Variants in ZNF66 observed in about 807,000 individuals in gnomAD.
ZNF66 encodes zinc finger protein 66.
A neutral mutation model predicts 35.2 loss-of-function variants in ZNF66; 32 were observed. The ratio of observed to expected loss-of-function variants is 0.91; its 90% CI spans 0.69 to 1.22. The LOEUF is 1.22. Among genes scored for constraint, ZNF66 ranks in the 50% most tolerant of loss-of-function variants. The pLI is 0.00. For synonymous variants in ZNF66, 231 were observed against 181.3 expected (o/e 1.27, Z -2.20); for missense variants, 666 against 543.1 (o/e 1.23, Z -2.25).
Position 20,806,863 on chromosome 19 carries a change from A to G in ZNF66, c.1263A>G (p.Gly421=). ...CTAAACATAAGAGAATTCATACTGG[A>G]GAGAAACCCTACAAATGTGAAGAAT... ...PLSKHKRIHT[G]EKPYKCEECG... is the part of the protein sequence containing the mutation. The change falls in exon 4 of 4, where the codon GGA becomes GGG. Residue 421 remains glycine, a synonymous_variant. Transcript: ENST00000344519. 1 of 1,352,080 alleles carries G rather than the reference A, an allele frequency of 7.4e-7. No individual in the cohort carries two copies. The highest frequency in any genetic ancestry group is 1.1e-6 in the Non-Finnish European group (1 of 943,512). The allele number at this position is 1,352,080 out of a possible 1,614,324, so 83.8% of individuals were successfully genotyped here.
At chr19:20,778,621 A>G (rs1412666705) in intron 1 of ZNF66, among the ~76,000 whole-genome samples, 3 of 151,900 alleles carry the variant, frequency 2.0e-5, no homozygotes, top group Non-Finnish European at 4.4e-5. Context: ...CATCTCTACT[A>G]AAAATACAAA....
rs968800612 is a variant in ZNF66 at position 20,797,541 on chromosome 19, T to G, written c.226+3663T>G. ...GTAAACATTTATTATTGTTTTGAAG[T>G]TTTATATTAGTGTGTTTTTCAGTGT... On this transcript the variant is annotated intron_variant, in intron 3 of 3. Transcript: ENST00000344519. 4.2e-4 allele frequency among the ~76,000 whole-genome samples: 58 copies of G among 137,848 alleles called. 1 individual carries two copies. The highest frequency in any genetic ancestry group is 1.2e-3 in the African/African-American group (45 of 36,860). 90.4% of individuals were successfully genotyped at this position (137,848 alleles called of 152,430 possible). A position where few individuals can be genotyped will look rare whatever the true frequency, so the allele number is the denominator to read the frequency against.
In ZNF66 at chr19:20,805,836, C is replaced by T; in HGVS notation, c.236C>T (p.Ser79Phe). The T allele has an allele frequency of 3.6e-6, 2 of 560,464 alleles. No individual in the cohort carries two copies. Among genetic ancestry groups the T allele is most frequent in the South Asian group, 3.4e-5 (1 of 29,384 alleles). The allele number at this position is 560,464 out of a possible 1,614,324, so 34.7% of individuals were successfully genotyped here. A position where few individuals can be genotyped will look rare whatever the true frequency, so the allele number is the denominator to read the frequency against. Reference sequence around the variant, plus strand: ...TTATGGTTTCTTTCAGTTTTGTGTTCTCATTTTAACCAAGACCTTTGGCCA... The same window carrying T: ...TTATGGTTTCTTTCAGTTTTGTGTTTTCATTTTAACCAAGACCTTTGGCCA... ...EMVANPSVLC[S>F]HFNQDLWPEQ... Residue 79 changes from serine to phenylalanine, a missense_variant, in exon 4 of 4, where the codon TCT becomes TTT. Ser to Phe is a radical substitution (Grantham distance 155). Coordinates refer to ENST00000344519, the MANE Select transcript of ZNF66 (RefSeq NM_001355197.2).
intron 3 of ZNF66, chr19:20,799,442 C>T (rs1346920369): frequency 2.0e-5 from 3 of 149,494 alleles, no homozygotes; most frequent in South Asian, 4.2e-4. Flanking sequence ...CTTTGTTTTC[C>T]ACCAGCAATC....
chr19:20,776,596 C>T, intron 1 of ZNF66, 146 bp downstream of exon 1: 8 of 1,168,652 alleles, frequency 6.8e-6, no homozygotes, highest in Middle Eastern at 2.1e-4. Context: ...ATGGCGGCTA[C>T]GCTGACAGCC....
Position 20,783,619 on chromosome 19 carries a change from C to T in ZNF66, c.3+7169C>T, listed in dbSNP as rs991153461. 3.7e-4 allele frequency among the ~76,000 whole-genome samples: 57 copies of T among 152,192 alleles called. 1 individual carries two copies. Among genetic ancestry groups the T allele is most frequent in the African/African-American group, 1.3e-3 (53 of 41,514 alleles). On this transcript the variant is annotated intron_variant, in intron 1 of 3. Transcript: ENST00000344519. ...AGCACAAAGATAAAATTAAATTTAG[C>T]AATACAGAATGATAAAGACTAAAAG... is the stretch of plus-strand genomic sequence containing the variant.
intron 3 of ZNF66, among the ~76,000 whole-genome samples, chr19:20,796,529 C>T (rs1971394252): frequency 6.6e-6 from 1 of 152,020 alleles, no homozygotes; most frequent in Non-Finnish European, 1.5e-5. Context: ...TAGTTTATTT[C>T]TCAATATTTG....
Position 20,808,663 on chromosome 19 carries a change from CAGAA to C in ZNF66, c.*1344_*1347del, listed in dbSNP as rs1428165030. On this transcript the variant is annotated 3_prime_UTR_variant, in exon 4 of 4. Transcript: ENST00000344519. ...GTCTGTTAGAAGGAAAACTAACAAA[CAGAA>C]AGGACATCCACACCAAAAACCCATC... Among the ~76,000 whole-genome samples, 3 of 152,228 alleles carry C rather than the reference CAGAA, an allele frequency of 2.0e-5. No homozygotes were observed. In the East Asian group the frequency reaches 5.8e-4, roughly 29 times the overall value.
At position 20,809,704 on chromosome 19, in the gene ZNF66, T is replaced by C. The variant is rs187337657; in HGVS notation, c.*2382T>C. On this transcript the variant is annotated 3_prime_UTR_variant, in exon 4 of 4. Transcript: ENST00000344519. ...AGCACTAAACATGGAAAGGAACAACTGATACCAGCCGCTGCAAAATCATGC... is the reference window on the plus strand; with the variant it reads ...AGCACTAAACATGGAAAGGAACAACCGATACCAGCCGCTGCAAAATCATGC... 7.6e-3 allele frequency among the ~76,000 whole-genome samples: 1,155 copies of C among 152,102 alleles called. 17 individuals carry two copies. Among genetic ancestry groups the C allele is most frequent in the African/African-American group, 0.027 (1,120 of 41,490 alleles).
At chr19:20,805,126 TGAGAGA>T (rs60295293) in intron 3 of ZNF66, among the ~76,000 whole-genome samples, 3 of 145,980 alleles carry the variant, frequency 2.1e-5, no homozygotes, top group Non-Finnish European at 3.0e-5. Context: ...TGTGTGTGTG[TGAGAGA>T]GAGAGAGAGA....
chr19:20,804,510 G>T (rs936010308), intron 3 of ZNF66, among the ~76,000 whole-genome samples: 2 of 152,118 alleles, frequency 1.3e-5, no homozygotes, highest in African/African-American at 4.8e-5. Context: ...CTCTCAAAGT[G>T]CTGGGATTAC....
At chr19:20,790,060 G>C (rs1309005698) in intron 1 of ZNF66, among the ~76,000 whole-genome samples, 1 of 152,146 alleles carries the variant, frequency 6.6e-6, no homozygotes, top group African/African-American at 2.4e-5. Flanking sequence ...AGCTTTGACA[G>C]GGGACTTGTT....
chr19:20,805,099 A>G (rs1470631117), intron 3 of ZNF66, among the ~76,000 whole-genome samples: 3 of 146,594 alleles, frequency 2.0e-5, no homozygotes, highest in South Asian at 2.1e-4. Context: ...GGATTTGGCA[A>G]TTTACATTTG....
chr19:20,779,454 A>G (rs1248472652), intron 1 of ZNF66, among the ~76,000 whole-genome samples: 4 of 152,184 alleles, frequency 2.6e-5, no homozygotes, highest in Admixed American at 2.6e-4. Context: ...ATGGGGTTGT[A>G]TGTTGACTCA....
chr19:20,801,917 ACATTT>A (rs550058522), intron 3 of ZNF66, among the ~76,000 whole-genome samples: 29 of 127,634 alleles, frequency 2.3e-4, no homozygotes, highest in Admixed American at 2.2e-4. Flanking sequence ...TTCAAAGATT[ACATTT>A]CATTTCATTA....
intron 3 of ZNF66, among the ~76,000 whole-genome samples, chr19:20,797,823 A>G (rs1011131665): frequency 6.6e-6 from 1 of 152,110 alleles, no homozygotes; most frequent in African/African-American, 2.4e-5. Context: ...CAGCCTCCCA[A>G]AGTACTGGGA....
intron 1 of ZNF66, among the ~76,000 whole-genome samples, chr19:20,776,984 G>T (rs1364324054): frequency 2.0e-5 from 3 of 151,834 alleles, no homozygotes; most frequent in Non-Finnish European, 4.4e-5. Context: ...ATATGTTGGC[G>T]AATGTCTGTA....
At position 20,806,955 on chromosome 19, in the gene ZNF66, C is replaced by A; in HGVS notation, c.1355C>A (p.Pro452His). ...AAGATAATTCACACTGGAGAGAAAC[C>A]CTACGAATGTGAAGACTGTGGCAAA... The part of the protein sequence containing the change: ...THKIIHTGEK[P>H]YECEDCGKAF... The change falls in exon 4 of 4, where the codon CCC becomes CAC. Residue 452 changes from proline (P) to histidine (H), a missense_variant. Pro to His is a moderately conservative substitution (Grantham distance 77, BLOSUM62 -2). Coordinates refer to ENST00000344519, the MANE Select transcript of ZNF66 (RefSeq NM_001355197.2). 2 of 1,135,310 alleles carry A rather than the reference C, an allele frequency of 1.8e-6. No homozygotes were observed. Among genetic ancestry groups the A allele is most frequent in the Non-Finnish European group, 2.7e-6 (2 of 745,014 alleles). 70.3% of individuals were successfully genotyped at this position (1,135,310 alleles called of 1,614,324 possible).
chr19:20,800,468 C>T (rs1971437947), intron 3 of ZNF66, among the ~76,000 whole-genome samples: 2 of 152,128 alleles, frequency 1.3e-5, no homozygotes, highest in Admixed American at 1.3e-4. Context: ...GTCCAAACCT[C>T]ATGCTGCAAT....
Sources: gnomAD v4.1 joint callset for allele counts (sites outside exome capture counted in the v4.1 genomes callset) on GRCh38, gnomAD v4.1.1 for gene constraint, MANE v1.5 for transcripts, NCBI Gene and HGNC (gene_info 2026-07-23, HGNC 2026-07-21) for gene names.